CDH26: variants seen among roughly 807,000 people sequenced by gnomAD.
CDH26 encodes cadherin 26.
A neutral mutation model predicts 90.3 loss-of-function variants in CDH26; 83 were observed. The ratio of observed to expected loss-of-function variants is 0.92; its 90% CI spans 0.77 to 1.10. CDH26 has a LOEUF of 1.10. Ranked by LOEUF, CDH26 falls within the 50% of genes least tolerant of loss-of-function variation. CDH26 has a pLI of 0.00. For synonymous variants in CDH26, 397 were observed against 396.3 expected, an observed-to-expected ratio of 1.00 and a Z score of -0.02; for missense variants, 1,013 against 1,037.6, an observed-to-expected ratio of 0.98 and a Z score of 0.33.
At chr20:60,011,519 T>G (rs892792739) in intron 17 of CDH26, among the ~76,000 whole-genome samples, 2 of 152,220 alleles carry the variant, frequency 1.3e-5, no homozygotes, top group Non-Finnish European at 2.9e-5. Flanking sequence ...CAGGGGTCAG[T>G]GAACTTCCTA....
At chr20:59,991,674 G>A (rs1362849393) in intron 9 of CDH26, among the ~76,000 whole-genome samples, 4 of 152,196 alleles carry the variant, frequency 2.6e-5, no homozygotes, top group African/African-American at 7.2e-5. Context: ...TGAAGGAAAA[G>A]CATAAGGAGA....
rs757072369 is a variant in CDH26, at chr20:59,992,766, C to A, written c.1426+246C>A. ...ATTAAACCAGCAAGGAGGCTGCAAT[C>A]AAACCCAGCATCTTTTTCATCTGTT... On this transcript the variant is annotated intron_variant, in intron 10 of 17. Coordinates refer to ENST00000348616, the MANE Select transcript of CDH26 (RefSeq NM_177980.4). This position sits in a 1 kb window ranked among gnomAD's most constrained non-coding sequence, Gnocchi z 5.0. Among the ~76,000 whole-genome samples, 1 of 152,134 alleles carries A rather than the reference C, an allele frequency of 6.6e-6. No homozygotes were observed. The highest frequency in any genetic ancestry group is 6.5e-5 in the Admixed American group (1 of 15,272).
intron 17 of CDH26, among the ~76,000 whole-genome samples, chr20:60,010,070 C>A (rs1363253958): frequency 6.6e-6 from 1 of 152,124 alleles, no homozygotes; most frequent in African/African-American, 2.4e-5. Context: ...GGGCACCAAG[C>A]CTGACATAGC....
chr20:59,959,966 G>C (rs900803515), intron 1 of CDH26, among the ~76,000 whole-genome samples: 4 of 152,230 alleles, frequency 2.6e-5, no homozygotes, highest in Admixed American at 6.5e-5. Flanking sequence ...TGTAGGTAGG[G>C]AGAGGGAATC....
intron 15 of CDH26, among the ~76,000 whole-genome samples, chr20:60,001,756 T>G (rs1188442080): frequency 6.6e-6 from 1 of 152,222 alleles, no homozygotes; most frequent in Non-Finnish European, 1.5e-5. Context: ...CCTGACTAAA[T>G]TCCAGCCCAG....
At chr20:59,979,815 C>A (rs1330974222) in intron 4 of CDH26, among the ~76,000 whole-genome samples, 1 of 150,404 alleles carries the variant, frequency 6.6e-6, no homozygotes, top group South Asian at 2.1e-4. Flanking sequence ...TTAGTAGAGT[C>A]GGGGTTTCAC....
intron 1 of CDH26, among the ~76,000 whole-genome samples, chr20:59,967,031 C>A (rs576105976): frequency 6.6e-6 from 1 of 151,532 alleles, no homozygotes; most frequent in Non-Finnish European, 1.5e-5. Flanking sequence ...TACTGTGAAC[C>A]ATTATTTAAA....
chr20:59,987,891 T>A (rs989446811), intron 8 of CDH26, among the ~76,000 whole-genome samples: 1 of 152,234 alleles, frequency 6.6e-6, no homozygotes, highest in African/African-American at 2.4e-5. Context: ...CACCATTTAA[T>A]TTTTTGTTGT....
At chr20:59,994,638 C>T in intron 11 of CDH26, 149 bp downstream of exon 11, 1 of 948,942 alleles carries the variant, frequency 1.1e-6, no homozygotes, top group Non-Finnish European at 1.5e-6. Context: ...AAAGGATATC[C>T]CTGGATATCC....
Position 59,969,019 on chromosome 20 carries a change from C to G in CDH26, c.122C>G (p.Thr41Arg). ...QQETDDLTKQ[T>R]KEKIYQPLRR... ...GAAACAGATGATCTTACTAAGCAAA[C>G]AAAGGTGAGGTTTGGAAGTCAGTTT... The change falls in exon 2 of 18, where the codon ACA becomes AGA. Residue 41 changes from threonine to arginine, a missense_variant. Thr to Arg is a moderately conservative substitution (Grantham distance 71). Transcript: ENST00000348616. 2 of 1,588,504 alleles carry G rather than the reference C, an allele frequency of 1.3e-6. No homozygotes were observed. The highest frequency in any genetic ancestry group is 1.3e-5 in the African/African-American group (1 of 74,528).
chr20:59,999,458 T>C, intron 13 of CDH26, 128 bp from the exon 14 acceptor site: 2 of 697,026 alleles, frequency 2.9e-6, no homozygotes, highest in South Asian at 1.9e-5. Context: ...TTTTTTACAG[T>C]CTGGACTTCT....
intron 14 of CDH26, 114 bp downstream of exon 14, chr20:59,999,777 T>C: frequency 1.1e-6 from 1 of 916,802 alleles, no homozygotes; most frequent in Admixed American, 2.1e-5. Context: ...GAGGTTCTTC[T>C]TCAAGTCAGC....
At chr20:59,994,520 G>A in intron 11 of CDH26, 31 bp downstream of exon 11, 2 of 1,608,428 alleles carry the variant, frequency 1.2e-6, no homozygotes, top group Admixed American at 1.7e-5. Context: ...CGGGCAAAGA[G>A]TGGAAAATGC....
chr20:60,032,883 G>C (rs185586773), intron 8 of CDH26, among the ~76,000 whole-genome samples: 3 of 150,460 alleles, frequency 2.0e-5, no homozygotes, highest in Non-Finnish European at 3.0e-5. Context: ...AGCATTGGGA[G>C]ATGTACCTAA....
rs770017813 is a variant in CDH26 at position 59,987,519 on chromosome 20, G to T, written c.904G>T (p.Asp302Tyr). 10 of 1,613,938 alleles carry T rather than the reference G, an allele frequency of 6.2e-6. No individual in the cohort carries two copies. Among genetic ancestry groups the T allele is most frequent in the Non-Finnish European group, 8.5e-6 (10 of 1,179,956 alleles). The change falls in exon 8 of 18, where the codon GAT becomes TAT. Residue 302 changes from aspartate to tyrosine, a missense_variant. Coordinates refer to ENST00000348616, the MANE Select transcript of CDH26 (RefSeq NM_177980.4). ...GVLRLLVQDR[D>Y]SPFTSAWRAK... Reference sequence around the variant, plus strand: ...GTTGCGTCTCCTGGTTCAAGATCGAGATTCTCCATTTACATCAGCTTGGAG... The same window carrying T: ...GTTGCGTCTCCTGGTTCAAGATCGATATTCTCCATTTACATCAGCTTGGAG...
Position 60,012,959 on chromosome 20 carries a change from T to C in CDH26, c.*229T>C, listed in dbSNP as rs1361501284. The C allele has an allele frequency of 1.8e-5, 8 of 453,212 alleles. No individual in the cohort carries two copies. Among genetic ancestry groups the C allele is most frequent in the Non-Finnish European group, 3.1e-5 (8 of 255,420 alleles). The allele number at this position is 453,212 out of a possible 1,614,324, so 28.1% of individuals were successfully genotyped here. On this transcript the variant is annotated 3_prime_UTR_variant, in exon 18 of 18. Coordinates refer to ENST00000348616, the MANE Select transcript of CDH26 (RefSeq NM_177980.4). ...CTTTCTTAAAATTTGATTTGTCATATTTTCTAGAGAAACTTGAATTTAATT... is the reference window on the plus strand; with the variant it reads ...CTTTCTTAAAATTTGATTTGTCATACTTTCTAGAGAAACTTGAATTTAATT...
intron 4 of CDH26, among the ~76,000 whole-genome samples, chr20:59,976,627 T>C (rs2061331531): frequency 6.6e-6 from 1 of 152,172 alleles, no homozygotes. Context: ...AGAAAGCCAA[T>C]TTATTTGCAC....
At chr20:60,016,019 T>C (rs181861707), downstream of CDH26, among the ~76,000 whole-genome samples, 3 of 152,350 alleles carry the variant, frequency 2.0e-5, no homozygotes, top group East Asian at 5.8e-4. Context: ...TTTCAGTTAT[T>C]ATAGTTTTGT....
chr20:59,986,616 TACACACACACAC>T (rs3043440), intron 7 of CDH26, among the ~76,000 whole-genome samples: 127 of 136,856 alleles, frequency 9.3e-4, no homozygotes, highest in African/African-American at 1.7e-3. Context: ...TAAATCCCCC[TACACACACACAC>T]ACACACACAC....
Sources: gnomAD v4.1 joint callset for allele counts (sites outside exome capture counted in the v4.1 genomes callset) on GRCh38, gnomAD v4.1.1 for gene constraint, Gnocchi (gnomAD v3.1) non-coding constraint, MANE v1.5 for transcripts, NCBI Gene and HGNC (gene_info 2026-07-23, HGNC 2026-07-21) for gene names.